Variants in CPOX observed in about 807,000 individuals in gnomAD.
CPOX encodes the protein coproporphyrinogen oxidase.
A neutral mutation model predicts 48.9 loss-of-function variants in CPOX; 24 were observed. That is an observed-to-expected ratio of 0.49 (90% CI 0.36 to 0.69). The LOEUF (loss-of-function observed/expected upper bound fraction) is 0.69, where lower values mean the gene tolerates loss of function less well. Among genes scored for constraint, CPOX ranks in the 30% least tolerant of loss-of-function variants. The pLI is 0.00. For missense variants in CPOX, 549 were observed against 597.3 expected (o/e 0.92, Z 0.84); for synonymous variants, 249 against 234.6 (o/e 1.06, Z -0.56).
Position 98,590,625 on chromosome 3 carries a change from C to T in CPOX, c.811+7G>A, listed in dbSNP as rs372489177. 7.0e-5 allele frequency: 111 copies of T among 1,583,024 alleles called. No homozygotes were observed. The African/African-American group carries it at 1.4e-3, about 20-fold the overall frequency. On this transcript the variant is annotated splice_region_variant and intron_variant, in intron 3 of 6. Transcript: ENST00000647941. ...ACAGTACTTTCCGTAGCTCCTGAGA[C>T]CCTTACCATCAGCTTCTTCTACTTC...
chr3:98,583,542 C>G (rs1161407379), intron 5 of CPOX, among the ~76,000 whole-genome samples: 1 of 152,124 alleles, frequency 6.6e-6, no homozygotes, highest in Non-Finnish European at 1.5e-5. Flanking sequence ...TCCTGTTTCC[C>G]TTTCCCAGAA....
intron 5 of CPOX, among the ~76,000 whole-genome samples, chr3:98,582,745 C>G (rs991291714): frequency 2.0e-5 from 3 of 152,140 alleles, no homozygotes; most frequent in Non-Finnish European, 2.9e-5. Flanking sequence ...CCCGCCTCGG[C>G]CTCCCAAAGT....
chr3:98,577,064 G>C (rs573978867), downstream of CPOX, among the ~76,000 whole-genome samples: 1 of 152,136 alleles, frequency 6.6e-6, no homozygotes, highest in South Asian at 2.1e-4. Context: ...GATTTAAAAT[G>C]GGCATGGAAG....
chr3:98,578,155 G>GA (rs1297039174), downstream of CPOX: 1 of 644,280 alleles, frequency 1.6e-6, no homozygotes, highest in Non-Finnish European at 1.9e-6. Context: ...ACACCAGTAA[G>GA]AAATTGAAAG....
the CPOX span, among the ~76,000 whole-genome samples, chr3:98,571,247 G>T: frequency 1.3e-5 from 2 of 152,074 alleles, no homozygotes; most frequent in Non-Finnish European, 2.9e-5. Context: ...TAATAGTAGT[G>T]ATACTGAAGA....
At chr3:98,587,498 TG>T (rs1257648978) in intron 4 of CPOX, among the ~76,000 whole-genome samples, 1 of 148,600 alleles carries the variant, frequency 6.7e-6, no homozygotes, top group African/African-American at 2.5e-5. Flanking sequence ...TTCTTGCCGG[TG>T]GGGTCTCTGC....
intron 4 of CPOX, 135 bp from the exon 5 acceptor site, chr3:98,585,794 A>C: frequency 1.3e-6 from 1 of 753,366 alleles, no homozygotes; most frequent in South Asian, 1.5e-5. Flanking sequence ...TCCAACTATG[A>C]AAATGAAATG....
At chr3:98,582,759 A>G (rs899125673) in intron 5 of CPOX, among the ~76,000 whole-genome samples, 1 of 152,036 alleles carries the variant, frequency 6.6e-6, no homozygotes, top group Non-Finnish European at 1.5e-5. Context: ...CCAAAGTGCT[A>G]GGATTACAGG....
intron 5 of CPOX, among the ~76,000 whole-genome samples, chr3:98,582,867 T>A (rs1707287984): frequency 6.6e-6 from 1 of 152,260 alleles, no homozygotes. Context: ...TAAAGAATTT[T>A]ATCTATGCTC....
intron 3 of CPOX, chr3:98,589,675 C>A (rs1164848596): frequency 6.6e-6 from 1 of 152,284 alleles, no homozygotes; most frequent in Non-Finnish European, 1.5e-5. Flanking sequence ...TTGAGAATAA[C>A]TGTTTCATGT....
chr3:98,588,763 C>A lies in CPOX; in HGVS notation c.903G>T (p.Lys301Asn). 6.2e-7 allele frequency: 1 copy of A among 1,614,168 alleles called. No homozygotes were observed. The highest frequency in any genetic ancestry group is 8.5e-7 in the Non-Finnish European group (1 of 1,180,020). ...CTGGACCATGCTGGTCACAAGCCTC[C>A]TTCAGAGTTCTGTGAAAATGGACAG... is the stretch of plus-strand genomic sequence containing the variant. Reference protein sequence around the residue: ...EDAVHFHRTLKEACDQHGPDL... With the variant: ...EDAVHFHRTLNEACDQHGPDL... The change falls in exon 4 of 7, where the codon AAG (lysine) becomes AAT (asparagine). Residue 301 changes from lysine (K) to asparagine (N), a missense_variant. Coordinates refer to ENST00000647941, the MANE Select transcript of CPOX (RefSeq NM_000097.7).
downstream of CPOX, among the ~76,000 whole-genome samples, chr3:98,576,855 C>T (rs1282282655): frequency 1.3e-5 from 2 of 152,016 alleles, no homozygotes; most frequent in South Asian, 2.1e-4. Flanking sequence ...TATTGCAAAA[C>T]AGTGTTGGAA....
At chr3:98,582,179 C>G (rs573805907) in intron 5 of CPOX, among the ~76,000 whole-genome samples, 1 of 151,976 alleles carries the variant, frequency 6.6e-6, no homozygotes, top group African/African-American at 2.4e-5. Flanking sequence ...AAACTTGGTT[C>G]AATATGTTAA....
At position 98,585,591 on chromosome 3, in the gene CPOX, T is replaced by G; in HGVS notation, c.1022A>C (p.Asp341Ala). ...RRGIGGIFFDDLDSPSKEEVF... is the reference protein window; with the variant it reads ...RRGIGGIFFDALDSPSKEEVF... ...CTCCTCCTTGGACGGAGAGTCAAGATCATCAAAAAAGATACCACCAATGCC... is the reference window on the plus strand; with the variant it reads ...CTCCTCCTTGGACGGAGAGTCAAGAGCATCAAAAAAGATACCACCAATGCC... Residue 341 changes from aspartate (D) to alanine (A), a missense_variant, in exon 5 of 7, where the codon GAT becomes GCT. By Grantham distance (126) the Asp-to-Ala change is moderately radical. This residue lies in a region of CPOX where 213 missense variants were observed against 279.1 expected (regional missense o/e 0.76). Transcript: ENST00000647941. 6.2e-7 allele frequency: 1 copy of G among 1,613,904 alleles called. No homozygotes were observed. The highest frequency in any genetic ancestry group is 8.5e-7 in the Non-Finnish European group (1 of 1,179,990).
At position 98,593,499 on chromosome 3, in the gene CPOX, G is replaced by A. The variant is rs1001009347; in HGVS notation, c.6C>T (p.Ala2=). The change falls in exon 1 of 7, where the codon GCC becomes GCT. Residue 2 remains alanine (A), a synonymous_variant. Transcript: ENST00000647941. ...CCGAGCTCAGCCTGCCCAGCTGCAA[G>A]GCCATGTTCCCGCACTATCACCTGG... The part of the protein sequence containing the change: M[A]LQLGRLSSGP... 5 of 1,520,578 alleles carry A rather than the reference G, an allele frequency of 3.3e-6. No homozygotes were observed. Among genetic ancestry groups the A allele is most frequent in the South Asian group, 1.2e-5 (1 of 82,066 alleles). 94.2% of individuals were successfully genotyped at this position (1,520,578 alleles called of 1,614,324 possible). A position where few individuals can be genotyped will look rare whatever the true frequency, so the allele number is the denominator to read the frequency against.
downstream of CPOX, among the ~76,000 whole-genome samples, chr3:98,576,163 G>A (rs773138410): frequency 8.0e-5 from 12 of 149,840 alleles, no homozygotes; most frequent in East Asian, 2.0e-4. Flanking sequence ...AGAACTGCCC[G>A]AGACTGAATA....
chr3:98,584,747 A>G (rs574658592), intron 5 of CPOX, among the ~76,000 whole-genome samples: 44 of 152,334 alleles, frequency 2.9e-4, no homozygotes, highest in African/African-American at 9.9e-4. Flanking sequence ...AGACAGCCTC[A>G]GACTGGACAC....
At chr3:98,582,585 G>A (rs369859091) in intron 5 of CPOX, among the ~76,000 whole-genome samples, 6 of 151,166 alleles carry the variant, frequency 4.0e-5, no homozygotes, top group East Asian at 3.9e-4. Context: ...CTCCGCCTCC[G>A]GGGTTCACCC....
Position 98,580,332 on chromosome 3 carries a change from T to C in CPOX, c.*351A>G, listed in dbSNP as rs1354893013. 6 of 1,007,758 alleles carry C rather than the reference T, an allele frequency of 6.0e-6. No homozygotes were observed. The highest frequency in any genetic ancestry group is 1.7e-5 in the African/African-American group (1 of 57,814). 62.4% of individuals were successfully genotyped at this position (1,007,758 alleles called of 1,614,324 possible). Reference sequence around the variant, plus strand: ...ATTTTTGTGGCACAAATGAAAACTTTAAAAAATACATGAAACAAAAACAAG... The same window carrying C: ...ATTTTTGTGGCACAAATGAAAACTTCAAAAAATACATGAAACAAAAACAAG... On this transcript the variant is annotated 3_prime_UTR_variant, in exon 7 of 7. Transcript: ENST00000647941.
Sources: allele counts gnomAD v4.1 joint callset (sites outside exome capture counted in the v4.1 genomes callset), GRCh38; gene constraint gnomAD v4.1.1; regional missense constraint gnomAD v4.1.1; transcripts MANE v1.5; gene names NCBI Gene and HGNC (gene_info 2026-07-23, HGNC 2026-07-21).